ZNF704: variants seen among roughly 807,000 people sequenced by gnomAD.
The protein encoded by ZNF704 is glucocorticoid induced gene 1.
In ZNF704, 10 loss-of-function variants were observed where a neutral mutation model predicts 44.7. The ratio of observed to expected loss-of-function variants is 0.22; its 90% CI spans 0.14 to 0.38. ZNF704 has a LOEUF of 0.38. Ranked by LOEUF, ZNF704 falls within the 10% of genes least tolerant of loss-of-function variation. ZNF704 has a pLI of 1.00. For missense variants in ZNF704, 390 were observed against 545.5 expected (o/e 0.71, Z 2.84); for synonymous variants, 211 against 207.6 (o/e 1.02, Z -0.14).
intron 1 of ZNF704, among the ~76,000 whole-genome samples, chr8:80,831,931 T>C (rs1251064214): frequency 2.0e-5 from 3 of 152,224 alleles, no homozygotes; most frequent in African/African-American, 7.2e-5. Context: ...CTATTGCTCA[T>C]CAGCACTTTG....
At chr8:80,856,336 TTTG>T (rs144725131) in intron 1 of ZNF704, among the ~76,000 whole-genome samples, 236 of 151,158 alleles carry the variant, frequency 1.6e-3, no homozygotes, top group African/African-American at 5.2e-3. Flanking sequence ...CTTGATTTTT[TTTG>T]TTTGTTTAAA....
intron 2 of ZNF704, among the ~76,000 whole-genome samples, chr8:80,771,314 G>A (rs1807315808): frequency 1.3e-5 from 2 of 151,518 alleles, no homozygotes; most frequent in African/African-American, 4.9e-5. Flanking sequence ...TTATTACTAT[G>A]TTGAGTCTTG....
At chr8:80,827,138 C>G (rs1354865803) in intron 1 of ZNF704, among the ~76,000 whole-genome samples, 2 of 152,066 alleles carry the variant, frequency 1.3e-5, no homozygotes, top group Non-Finnish European at 2.9e-5. Flanking sequence ...CCAAATTGTC[C>G]CTGTTTGCAG....
At chr8:80,736,607 A>G (rs1396986323) in intron 2 of ZNF704, among the ~76,000 whole-genome samples, 1 of 152,102 alleles carries the variant, frequency 6.6e-6, no homozygotes, top group Non-Finnish European at 1.5e-5. Context: ...GCCCATGAAA[A>G]CTACGAAGGG....
rs560060001 is a variant in ZNF704, at chr8:80,765,828, C to T, written c.221+55546G>A. Among the ~76,000 whole-genome samples the T allele has an allele frequency of 7.2e-5, 11 of 152,178 alleles. No homozygotes were observed. The South Asian group carries it at 2.3e-3, about 32-fold the overall frequency. On this transcript the variant is annotated intron_variant, in intron 2 of 8. Transcript: ENST00000327835. ...TATAGATAAGAATTATGATCAACAC[C>T]GATCTCTTGGCTAGATTATAAAAAT...
At chr8:80,802,194 CAA>C (rs748625927) in intron 2 of ZNF704, among the ~76,000 whole-genome samples, 6 of 82,512 alleles carry the variant, frequency 7.3e-5, no homozygotes, top group Non-Finnish European at 1.2e-4. Context: ...GCCTACCAAC[CAA>C]AAAAAAAAAA....
intron 2 of ZNF704, among the ~76,000 whole-genome samples, chr8:80,732,201 TTA>T (rs1489136129): frequency 6.6e-6 from 1 of 152,206 alleles, no homozygotes; most frequent in Non-Finnish European, 1.5e-5. Flanking sequence ...GATAATCCAA[TTA>T]TATACTACAC....
intron 4 of ZNF704, among the ~76,000 whole-genome samples, chr8:80,680,554 C>G (rs892725932): frequency 6.6e-6 from 1 of 152,146 alleles, no homozygotes; most frequent in African/African-American, 2.4e-5. Flanking sequence ...AAAACCCACA[C>G]ACCTTGGCAG....
Position 80,639,923 on chromosome 8 carries a change from C to A in ZNF704, c.*1443G>T, listed in dbSNP as rs1468514858. On this transcript the variant is annotated 3_prime_UTR_variant, in exon 9 of 9. Coordinates refer to ENST00000327835, the MANE Select transcript of ZNF704 (RefSeq NM_001033723.3). ...AGGTATAGGAGAAATAACTCTTTAG[C>A]AGGGCAATTGAGAGTCGGGTAGATA... The A allele has an allele frequency of 6.6e-6, 1 of 152,582 alleles. No individual in the cohort carries two copies. 9.5% of individuals were successfully genotyped at this position (152,582 alleles called of 1,614,324 possible).
intron 2 of ZNF704, among the ~76,000 whole-genome samples, chr8:80,698,820 T>C (rs1027236132): frequency 5.3e-5 from 8 of 152,338 alleles, no homozygotes; most frequent in African/African-American, 1.7e-4. Flanking sequence ...CGCTCAGCTA[T>C]GGCCTGTGCT....
chr8:80,675,227 C>T (rs1818344935), intron 4 of ZNF704, among the ~76,000 whole-genome samples: 1 of 152,172 alleles, frequency 6.6e-6, no homozygotes, highest in African/African-American at 2.4e-5. Flanking sequence ...GTTTTCCAGG[C>T]ATAGCGAAGA....
chr8:80,683,496 C>T (rs1026426433), intron 4 of ZNF704, among the ~76,000 whole-genome samples: 65 of 152,314 alleles, frequency 4.3e-4, no homozygotes, highest in African/African-American at 1.3e-3. Flanking sequence ...TTTCTCTCCA[C>T]GTTTTTCTCC....
intron 1 of ZNF704, chr8:80,873,804 A>AGGC (rs1043942120): frequency 6.7e-6 from 1 of 150,336 alleles, no homozygotes; most frequent in Non-Finnish European, 1.5e-5. Context: ...ACCGGCGACG[A>AGGC]GGCGGCGGCG....
Position 80,664,987 on chromosome 8 carries a change from C to G in ZNF704, c.755G>C (p.Ser252Thr). 6.2e-7 allele frequency: 1 copy of G among 1,614,214 alleles called. No individual in the cohort carries two copies. Among genetic ancestry groups the G allele is most frequent in the African/African-American group, 1.3e-5 (1 of 75,056 alleles). Residue 252 changes from serine to threonine, a missense_variant, in exon 6 of 9, where the codon AGC becomes ACC. Ser to Thr is a moderately conservative substitution (Grantham distance 58). Around this residue, in one of 3 missense-constraint regions of ZNF704, gnomAD observed 305 missense variants for 435.7 expected, o/e 0.70. Coordinates refer to ENST00000327835, the MANE Select transcript of ZNF704 (RefSeq NM_001033723.3). Reference protein sequence around the residue: ...NTDSVADGLSSLAPVSPSQSL... With the variant: ...NTDSVADGLSTLAPVSPSQSL... ...CTGGGAAGGTGAGACCGGGGCCAGG[C>G]TGCTCAGCCCGTCTGCCACTGAGTC...
At chr8:80,652,587 C>G (rs897868621) in intron 7 of ZNF704, among the ~76,000 whole-genome samples, 2 of 152,010 alleles carry the variant, frequency 1.3e-5, no homozygotes, top group African/African-American at 2.4e-5. Context: ...ATAAATTCCT[C>G]GACACACACA....
intron 4 of ZNF704, among the ~76,000 whole-genome samples, chr8:80,684,574 T>C (rs2131628926): frequency 6.6e-6 from 1 of 152,298 alleles, no homozygotes; most frequent in African/African-American, 2.4e-5. Flanking sequence ...CTCAGAAAGT[T>C]CTACCAACTA....
intron 1 of ZNF704, chr8:80,873,516 C>T (rs1809296171): frequency 6.6e-6 from 1 of 150,506 alleles, no homozygotes; most frequent in Admixed American, 6.6e-5. Flanking sequence ...TGGCGGGTCC[C>T]ACGCGCGCCA....
intron 2 of ZNF704, among the ~76,000 whole-genome samples, chr8:80,714,735 A>C (rs1819045170): frequency 6.6e-6 from 1 of 152,162 alleles, no homozygotes; most frequent in South Asian, 2.1e-4. Flanking sequence ...TCACCTTCTA[A>C]GTGCAATTTT....
chr8:80,654,349 T>G (rs1476122789), intron 7 of ZNF704, among the ~76,000 whole-genome samples: 1 of 151,992 alleles, frequency 6.6e-6, no homozygotes, highest in East Asian at 1.9e-4. Flanking sequence ...TGGGATCTAA[T>G]TAAACTAAAG....
Sources: allele counts gnomAD v4.1 joint callset (sites outside exome capture counted in the v4.1 genomes callset), GRCh38; gene constraint gnomAD v4.1.1; regional missense constraint gnomAD v4.1.1; transcripts MANE v1.5; gene names NCBI Gene and HGNC (gene_info 2026-07-23, HGNC 2026-07-21).